The following ZNRD2 variants were observed in gnomAD, a reference collection of about 807,000 sequenced individuals.
ZNRD2 encodes the protein protein ZNRD2.
In ZNRD2, 16 loss-of-function variants were observed where a neutral mutation model predicts 22.0. The observed-to-expected ratio is 0.73, with a 90% CI of 0.49 to 1.11. The LOEUF is 1.11. Among genes scored for constraint, ZNRD2 ranks in the 50% least tolerant of loss-of-function variants. ZNRD2 has a pLI of 0.00. For synonymous variants in ZNRD2, 105 were observed against 109.8 expected (o/e 0.96, Z 0.27); for missense variants, 269 against 258.9 (o/e 1.04, Z -0.27).
chr11:65,570,514 A>G lies in ZNRD2; in HGVS notation c.19+4A>G. The G allele has an allele frequency of 6.2e-7, 1 of 1,613,934 alleles. No individual in the cohort carries two copies. Among genetic ancestry groups the G allele is most frequent in the Non-Finnish European group, 8.5e-7 (1 of 1,179,970 alleles). On this transcript the variant is annotated splice_donor_region_variant and intron_variant, in intron 1 of 3. Coordinates refer to ENST00000309328, the MANE Select transcript of ZNRD2 (RefSeq NM_006396.3). ...AACATGGCCCTGAACGGAGCTGGTGAGGACCTGGGCGGCAGGGGTTTGTGG... is the reference window on the plus strand; with the variant it reads ...AACATGGCCCTGAACGGAGCTGGTGGGGACCTGGGCGGCAGGGGTTTGTGG...
chr11:65,570,871 CT>C lies in ZNRD2; in HGVS notation c.172-10del. The C allele has an allele frequency of 6.2e-7, 1 of 1,614,110 alleles. No individual in the cohort carries two copies. Among genetic ancestry groups the C allele is most frequent in the Non-Finnish European group, 8.5e-7 (1 of 1,179,976 alleles). ...CGGCGTCTCATTCCGGCCCCGTGTG[CT>C]TTTTGGTCCGTAGACGATCCTCCTC... On this transcript the variant is annotated splice_polypyrimidine_tract_variant and intron_variant, in intron 2 of 3. Transcript: ENST00000309328.
intron 3 of ZNRD2, 117 bp from the exon 4 acceptor site, chr11:65,571,273 TA>T (rs1857120299): frequency 7.6e-7 from 1 of 1,317,380 alleles, no homozygotes; most frequent in African/African-American, 1.5e-5. Context: ...TGAGTTGCCT[TA>T]TAGAGGGACA....
At position 65,570,765 on chromosome 11, in the gene ZNRD2, G is replaced by T; in HGVS notation, c.171+10G>T. 1 of 1,613,280 alleles carries T rather than the reference G, an allele frequency of 6.2e-7. No homozygotes were observed. The highest frequency in any genetic ancestry group is 8.5e-7 in the Non-Finnish European group (1 of 1,179,536). The stretch of plus-strand genomic sequence containing the variant: ...GTGTGCGGACTGCGGGGTGAGGCGA[G>T]ACTCGGGCGAGTGACCGGGGATGGG... On this transcript the variant is annotated intron_variant, in intron 2 of 3. Coordinates refer to ENST00000309328, the MANE Select transcript of ZNRD2 (RefSeq NM_006396.3).
Position 65,570,917 on chromosome 11 carries a change from T to A in ZNRD2, c.203T>A (p.Ile68Asn). The A allele has an allele frequency of 6.2e-7, 1 of 1,614,052 alleles. No homozygotes were observed. Among genetic ancestry groups the A allele is most frequent in the Non-Finnish European group, 8.5e-7 (1 of 1,179,998 alleles). The change falls in exon 3 of 4, where the codon ATC (isoleucine) becomes AAC (asparagine). Residue 68 changes from isoleucine to asparagine, a missense_variant. By Grantham distance (149) the Ile-to-Asn change is moderately radical (BLOSUM62 -3). Coordinates refer to ENST00000309328, the MANE Select transcript of ZNRD2 (RefSeq NM_006396.3). The stretch of plus-strand genomic sequence containing the variant: ...CTCCTCCAAGACAAACAGCGGAAAA[T>A]CTACTGCGTGGCTTGTCAGGAACTC... ...TILLQDKQRKIYCVACQELDS... is the reference protein window; with the variant it reads ...TILLQDKQRKNYCVACQELDS...
rs371359472 is a variant in ZNRD2 at position 65,570,491 on chromosome 11, C to G, written c.-1C>G. On this transcript the variant is annotated 5_prime_UTR_variant, in exon 1 of 4. Transcript: ENST00000309328. ...GTGAGCCCGGCGGTGACAACGGCAA[C>G]ATGGCCCTGAACGGAGCTGGTGAGG... 3.5e-5 allele frequency: 57 copies of G among 1,613,640 alleles called. No individual in the cohort carries two copies. Among genetic ancestry groups the G allele is most frequent in the Non-Finnish European group, 4.6e-5 (54 of 1,179,982 alleles).
In ZNRD2 at chr11:65,571,492, C is replaced by T. The variant is rs138036434; in HGVS notation, c.358C>T (p.Pro120Ser). The change falls in exon 4 of 4, where the codon CCT becomes TCT. Residue 120 changes from proline to serine, a missense_variant. Pro to Ser is a moderately conservative substitution (Grantham distance 74). Transcript: ENST00000309328. ...TCGACCTGCGCCCCAGCCCCCAGTA[C>T]CTCGTCCGGAGCACTGTGAGGGAGC... ...GSRPAPQPPV[P>S]RPEHCEGAAA... is the part of the protein sequence containing the mutation. The T allele has an allele frequency of 1.1e-5, 18 of 1,613,840 alleles. No homozygotes were observed. The African/African-American group carries it at 2.0e-4, about 18-fold the overall frequency.
Position 65,571,855 on chromosome 11 carries a change from C to G in ZNRD2, c.*121C>G. 1 of 1,362,000 alleles carries G rather than the reference C, an allele frequency of 7.3e-7. No homozygotes were observed. Among genetic ancestry groups the G allele is most frequent in the Non-Finnish European group, 9.7e-7 (1 of 1,030,020 alleles). 84.4% of individuals were successfully genotyped at this position (1,362,000 alleles called of 1,614,324 possible). On this transcript the variant is annotated 3_prime_UTR_variant, in exon 4 of 4. Coordinates refer to ENST00000309328, the MANE Select transcript of ZNRD2 (RefSeq NM_006396.3). ...CACTCACCTTTTTCCAGCTTTTGGC[C>G]TCTTCACCTCTCCACTCTGCTCTCC...
intron 3 of ZNRD2, 29 bp downstream of exon 3, chr11:65,570,999 G>A: frequency 1.3e-6 from 2 of 1,595,620 alleles, no homozygotes; most frequent in Non-Finnish European, 8.6e-7. Context: ...CCGGGAGAGG[G>A]GCCGGATATG....
In ZNRD2 at chr11:65,571,383, C is replaced by T; in HGVS notation, c.257-8C>T. The T allele has an allele frequency of 6.4e-7, 1 of 1,573,202 alleles. No homozygotes were observed. The highest frequency in any genetic ancestry group is 1.4e-5 in the African/African-American group (1 of 74,046). On this transcript the variant is annotated splice_polypyrimidine_tract_variant and splice_region_variant and intron_variant, in intron 3 of 3. Coordinates refer to ENST00000309328, the MANE Select transcript of ZNRD2 (RefSeq NM_006396.3). ...CTGACCATTCCACCCACTTTCTCCT[C>T]TTTTTAGCTCTGAATGCCCAGGCTG...
At chr11:65,571,032 G>T (rs772806201) in intron 3 of ZNRD2, 62 bp downstream of exon 3, 9 of 1,517,356 alleles carry the variant, frequency 5.9e-6, no homozygotes, top group Non-Finnish European at 8.2e-6. Context: ...GCGTGGTTAA[G>T]TGGTGATAGA....
In ZNRD2 at chr11:65,571,517, C is replaced by T. The variant is rs1395995991; in HGVS notation, c.383C>T (p.Ala128Val). The T allele has an allele frequency of 1.2e-6, 2 of 1,613,762 alleles. No homozygotes were observed. The highest frequency in any genetic ancestry group is 1.1e-5 in the South Asian group (1 of 91,090). ...CCTCGTCCGGAGCACTGTGAGGGAG[C>T]TGCAGCAGGACTCAAGGCAGCCCAG... ...PVPRPEHCEG[A>V]AAGLKAAQGP... Residue 128 changes from alanine (A) to valine (V), a missense_variant, in exon 4 of 4, where the codon GCT (alanine) becomes GTT (valine). Physicochemically the swap from Ala to Val is moderately conservative, Grantham distance 64 (BLOSUM62 0). Coordinates refer to ENST00000309328, the MANE Select transcript of ZNRD2 (RefSeq NM_006396.3).
chr11:65,570,903 C>CA lies in ZNRD2; in HGVS notation c.192dup (p.Gln65ThrfsTer18), dbSNP rs745878345. 5.6e-6 allele frequency: 9 copies of CA among 1,614,160 alleles called. No homozygotes were observed. The South Asian group carries it at 8.8e-5, about 16-fold the overall frequency. On this transcript the variant is annotated frameshift_variant, in exon 3 of 4. Coordinates refer to ENST00000309328, the MANE Select transcript of ZNRD2 (RefSeq NM_006396.3). LOFTEE classifies it high-confidence loss of function. ...GTCCGTAGACGATCCTCCTCCAAGA[C>CA]AAACAGCGGAAAATCTACTGCGTGG...
chr11:65,571,476 G>C lies in ZNRD2; in HGVS notation c.342G>C (p.Ala114=), dbSNP rs1257955021. ...ASELPLGSRP[A]PQPPVPRPEH... ...AGCTCCCCCTGGGCTCTCGACCTGC[G>C]CCCCAGCCCCCAGTACCTCGTCCGG... The change falls in exon 4 of 4, where the codon GCG becomes GCC. Residue 114 remains alanine, a synonymous_variant. Coordinates refer to ENST00000309328, the MANE Select transcript of ZNRD2 (RefSeq NM_006396.3). 1.2e-6 allele frequency: 2 copies of C among 1,613,584 alleles called. No homozygotes were observed. Among genetic ancestry groups the C allele is most frequent in the Admixed American group, 3.3e-5 (2 of 60,012 alleles).
In ZNRD2 at chr11:65,571,842, T is replaced by G; in HGVS notation, c.*108T>G. The stretch of plus-strand genomic sequence containing the variant: ...CCAGCCCCAGCTCCACTCACCTTTT[T>G]CCAGCTTTTGGCCTCTTCACCTCTC... On this transcript the variant is annotated 3_prime_UTR_variant, in exon 4 of 4. Transcript: ENST00000309328. 16 of 1,438,244 alleles carry G rather than the reference T, an allele frequency of 1.1e-5. No homozygotes were observed. The highest frequency in any genetic ancestry group is 1.5e-5 in the Non-Finnish European group (16 of 1,097,318). 89.1% of individuals were successfully genotyped at this position (1,438,244 alleles called of 1,614,324 possible). A position where few individuals can be genotyped will look rare whatever the true frequency, so the allele number is the denominator to read the frequency against.
chr11:65,570,483 A>T lies in ZNRD2; in HGVS notation c.-9A>T. On this transcript the variant is annotated 5_prime_UTR_variant, in exon 1 of 4. Transcript: ENST00000309328. ...CACTTCCTGTGAGCCCGGCGGTGAC[A>T]ACGGCAACATGGCCCTGAACGGAGC... is the stretch of plus-strand genomic sequence containing the variant. The T allele has an allele frequency of 1.9e-6, 3 of 1,613,464 alleles. No individual in the cohort carries two copies. Among genetic ancestry groups the T allele is most frequent in the Non-Finnish European group, 8.5e-7 (1 of 1,179,946 alleles).
In ZNRD2 at chr11:65,571,559, C is replaced by T; in HGVS notation, c.425C>T (p.Ala142Val). 1 of 1,614,080 alleles carries T rather than the reference C, an allele frequency of 6.2e-7. No homozygotes were observed. Among genetic ancestry groups the T allele is most frequent in the Non-Finnish European group, 8.5e-7 (1 of 1,180,038 alleles). Reference sequence around the variant, plus strand: ...GCAGCCCAGGGGCCACCTGCTCCTGCTGTGCCTCCAAATACAGATGTCATG... The same window carrying T: ...GCAGCCCAGGGGCCACCTGCTCCTGTTGTGCCTCCAAATACAGATGTCATG... ...LKAAQGPPAP[A>V]VPPNTDVMAC... is the part of the protein sequence containing the mutation. The change falls in exon 4 of 4, where the codon GCT becomes GTT. Residue 142 changes from alanine (A) to valine (V), a missense_variant. Ala to Val is a moderately conservative substitution (Grantham distance 64, BLOSUM62 0). Transcript: ENST00000309328.
Position 65,571,649 on chromosome 11 carries a change from C to T in ZNRD2, c.515C>T (p.Thr172Ile), listed in dbSNP as rs749687644. 1.9e-6 allele frequency: 3 copies of T among 1,613,980 alleles called. No homozygotes were observed. The highest frequency in any genetic ancestry group is 2.5e-6 in the Non-Finnish European group (3 of 1,180,054). The change falls in exon 4 of 4, where the codon ACC becomes ATC. Residue 172 changes from threonine to isoleucine, a missense_variant. By Grantham distance (89) the Thr-to-Ile change is moderately conservative. Transcript: ENST00000309328. ...TWASAELGSS[T>I]SLETSIQLCG... ...GCCTCTGCTGAACTGGGCTCTAGCA[C>T]CTCCCTGGAGACTAGCATCCAGCTG...
Position 65,571,065 on chromosome 11 carries a change from G to C in ZNRD2, c.256+95G>C. The C allele has an allele frequency of 2.5e-6, 3 of 1,207,706 alleles. No individual in the cohort carries two copies. The South Asian group carries it at 3.9e-5, about 16-fold the overall frequency. 74.8% of individuals were successfully genotyped at this position (1,207,706 alleles called of 1,614,324 possible). A position where few individuals can be genotyped will look rare whatever the true frequency, so the allele number is the denominator to read the frequency against. On this transcript the variant is annotated intron_variant, in intron 3 of 3. Coordinates refer to ENST00000309328, the MANE Select transcript of ZNRD2 (RefSeq NM_006396.3). Reference sequence around the variant, plus strand: ...AGAGGCCCGAGAACAGTAGGGCTGAGAGGTGACAGTGGAGTCTCTGGGTGG... The same window carrying C: ...AGAGGCCCGAGAACAGTAGGGCTGACAGGTGACAGTGGAGTCTCTGGGTGG...
rs765125443 is a variant in ZNRD2 at position 65,570,585 on chromosome 11, C to T, written c.20-19C>T. 1.2e-6 allele frequency: 2 copies of T among 1,613,978 alleles called. No individual in the cohort carries two copies. The highest frequency in any genetic ancestry group is 1.7e-6 in the Non-Finnish European group (2 of 1,179,992). On this transcript the variant is annotated intron_variant, in intron 1 of 3. Coordinates refer to ENST00000309328, the MANE Select transcript of ZNRD2 (RefSeq NM_006396.3). ...CCCACTCCGGCAAGACCCCCAGTCCCTATGCCTCTCTTCCCCAGAAGTCGA... is the reference window on the plus strand; with the variant it reads ...CCCACTCCGGCAAGACCCCCAGTCCTTATGCCTCTCTTCCCCAGAAGTCGA...
Sources: allele counts gnomAD v4.1 joint callset, GRCh38; gene constraint gnomAD v4.1.1; transcripts MANE v1.5; gene names NCBI Gene and HGNC (gene_info 2026-07-23, HGNC 2026-07-21).